CEP350: variants seen among roughly 807,000 people sequenced by gnomAD.
CEP350 encodes centrosome-associated protein 350.
A neutral mutation model predicts 331.8 loss-of-function variants in CEP350; 126 were observed. The ratio of observed to expected loss-of-function variants is 0.38; its 90% CI spans 0.33 to 0.44. The LOEUF is 0.44. Ranked by LOEUF, CEP350 falls within the 20% of genes least tolerant of loss-of-function variation. CEP350 has a pLI of 1.00. For missense variants in CEP350, 3,406 were observed against 3,634.6 expected (o/e 0.94, Z 1.62); for synonymous variants, 1,200 against 1,259.5 (o/e 0.95, Z 1.00).
chr1:180,027,138 T>C (rs1655731259), intron 14 of CEP350, among the ~76,000 whole-genome samples: 1 of 152,242 alleles, frequency 6.6e-6, no homozygotes, highest in African/African-American at 2.4e-5. Context: ...TTTTTGATAA[T>C]AGGACATCCT....
At chr1:180,050,725 T>G (rs192848466) in intron 22 of CEP350, among the ~76,000 whole-genome samples, 13 of 146,912 alleles carry the variant, frequency 8.8e-5, no homozygotes, top group Admixed American at 7.4e-4. Flanking sequence ...AACAACTCAA[T>G]TTTACAAATG....
At chr1:180,076,341 A>G (rs566199253) in intron 28 of CEP350, among the ~76,000 whole-genome samples, 50 of 152,344 alleles carry the variant, frequency 3.3e-4, no homozygotes, top group African/African-American at 1.1e-3. Flanking sequence ...TGAATTATGT[A>G]TTAGCACACC....
rs904373874 is a variant in CEP350, at chr1:180,075,657, GA to G, written c.5767+447del. ...ATAACCACAAATGCTGGAGAAATTAGAAAAAAAAAAATTGTGGCTAGGCGCG... is the reference window on the plus strand; with the variant it reads ...ATAACCACAAATGCTGGAGAAATTAGAAAAAAAAAATTGTGGCTAGGCGCG... On this transcript the variant is annotated intron_variant, in intron 28 of 37. Transcript: ENST00000367607. Among the ~76,000 whole-genome samples the G allele has an allele frequency of 2.3e-3, 337 of 146,468 alleles. 2 individuals carry two copies. The highest frequency in any genetic ancestry group is 7.9e-3 in the African/African-American group (318 of 40,094).
At position 180,112,085 on chromosome 1, in the gene CEP350, G is replaced by A. The variant is rs1449333914; in HGVS notation, c.*924G>A. ...GAGATGCTGTTACTTGAATGATTTA[G>A]GAAATGAGTGTGTGCACCAAAGACA... is the stretch of plus-strand genomic sequence containing the variant. On this transcript the variant is annotated 3_prime_UTR_variant, in exon 38 of 38. Transcript: ENST00000367607. 6.6e-6 allele frequency: 1 copy of A among 152,604 alleles called. No individual in the cohort carries two copies. Among genetic ancestry groups the A allele is most frequent in the Non-Finnish European group, 1.5e-5 (1 of 68,038 alleles). The allele number at this position is 152,604 out of a possible 1,614,324, so 9.5% of individuals were successfully genotyped here. A position where few individuals can be genotyped will look rare whatever the true frequency, so the allele number is the denominator to read the frequency against.
intron 32 of CEP350, among the ~76,000 whole-genome samples, chr1:180,089,421 A>G (rs1298935457): frequency 1.3e-5 from 2 of 152,058 alleles, no homozygotes. Flanking sequence ...CATCTCTACT[A>G]AAACTAGAAA....
At position 180,113,483 on chromosome 1, in the gene CEP350, A is replaced by C. The variant is rs943964147; in HGVS notation, c.*2322A>C. On this transcript the variant is annotated 3_prime_UTR_variant, in exon 38 of 38. Coordinates refer to ENST00000367607, the MANE Select transcript of CEP350 (RefSeq NM_014810.5). ...CTGACAGACTCCAACTGTCTTTACT[A>C]TCTGAAGAATCCTAGGCTCCACATG... 10 of 152,162 alleles carry C rather than the reference A, an allele frequency of 6.6e-5. No individual in the cohort carries two copies. The highest frequency in any genetic ancestry group is 2.2e-4 in the African/African-American group (9 of 41,450). 9.4% of individuals were successfully genotyped at this position (152,162 alleles called of 1,614,324 possible).
At chr1:180,102,867 C>T (rs1660903422) in intron 37 of CEP350, among the ~76,000 whole-genome samples, 2 of 152,166 alleles carry the variant, frequency 1.3e-5, no homozygotes, top group Non-Finnish European at 2.9e-5. Context: ...TTTGAAGCAG[C>T]ATCATTGTCT....
At chr1:180,013,706 T>C (rs1654797819) in intron 9 of CEP350, 141 bp from the exon 10 acceptor site, 1 of 669,420 alleles carries the variant, frequency 1.5e-6, no homozygotes, top group Non-Finnish European at 2.4e-6. Context: ...CCTTTTATAA[T>C]TTTCTTCAGA....
chr1:180,042,366 A>G (rs1005085574), intron 19 of CEP350, among the ~76,000 whole-genome samples: 5 of 152,248 alleles, frequency 3.3e-5, no homozygotes, highest in African/African-American at 9.6e-5. Context: ...TGCTGTCTCT[A>G]CATAGGATAT....
Position 179,962,289 on chromosome 1 carries a change from C to T in CEP350, c.-14+7147C>T, listed in dbSNP as rs147340800. On this transcript the variant is annotated intron_variant, in intron 1 of 37. Coordinates refer to ENST00000367607, the MANE Select transcript of CEP350 (RefSeq NM_014810.5). ...ATTAATTTGCTTAGGATAATGACCT[C>T]CAGCTGCATCCATGTTGCTCCAAAG... is the stretch of plus-strand genomic sequence containing the variant. Among the ~76,000 whole-genome samples, 697 of 152,310 alleles carry T rather than the reference C, an allele frequency of 4.6e-3. 5 individuals carry two copies. Among genetic ancestry groups the T allele is most frequent in the African/African-American group, 0.016 (666 of 41,558 alleles).
At chr1:179,991,363 C>CTGAAG (rs1323173174) in intron 4 of CEP350, among the ~76,000 whole-genome samples, 1 of 138,550 alleles carries the variant, frequency 7.2e-6, no homozygotes, top group East Asian at 2.1e-4. Context: ...GTCGCCCAGG[C>CTGAAG]TGAAGTGCAG....
intron 34 of CEP350, 131 bp downstream of exon 34, chr1:180,094,747 A>G: frequency 1.0e-6 from 1 of 984,466 alleles, no homozygotes; most frequent in Non-Finnish European, 1.5e-6. Flanking sequence ...CGTGTTGTTT[A>G]TTAGAGAAGG....
Position 180,020,399 on chromosome 1 carries a change from G to C in CEP350, c.2625G>C (p.Lys875Asn), listed in dbSNP as rs778708670. 1.2e-6 allele frequency: 2 copies of C among 1,613,718 alleles called. No homozygotes were observed. Among genetic ancestry groups the C allele is most frequent in the East Asian group, 4.5e-5 (2 of 44,902 alleles). The change falls in exon 12 of 38, where the codon AAG (lysine) becomes AAC (asparagine). Residue 875 changes from lysine (K) to asparagine (N), a missense_variant. Around this residue, in one of 5 missense-constraint regions of CEP350, gnomAD observed 1,857 missense variants for 1,909.2 expected, o/e 0.97. Transcript: ENST00000367607. ...CTCAAGAAGATGGACCTTGGACCAA[G>C]GCTGTAACTCCACCTGTGAAAGATG... ...QAPQEDGPWTKAVTPPVKDDN... is the reference protein window; with the variant it reads ...QAPQEDGPWTNAVTPPVKDDN...
rs543742764 is a variant in CEP350 at position 180,075,681 on chromosome 1, G to A, written c.5767+460G>A. Reference sequence around the variant, plus strand: ...AGAAAAAAAAAAATTGTGGCTAGGCGCGGTGGCTCATGCCTGTAATCTTAG... The same window carrying A: ...AGAAAAAAAAAAATTGTGGCTAGGCACGGTGGCTCATGCCTGTAATCTTAG... On this transcript the variant is annotated intron_variant, in intron 28 of 37. Transcript: ENST00000367607. Among the ~76,000 whole-genome samples, 149 of 152,198 alleles carry A rather than the reference G, an allele frequency of 9.8e-4. 1 individual carries two copies. Among genetic ancestry groups the A allele is most frequent in the African/African-American group, 3.5e-3 (144 of 41,546 alleles).
At chr1:180,028,418 T>C (rs935517985) in intron 14 of CEP350, among the ~76,000 whole-genome samples, 1 of 152,232 alleles carries the variant, frequency 6.6e-6, no homozygotes, top group Non-Finnish European at 1.5e-5. Context: ...TAACTTGTTA[T>C]TGGCAAAGCC....
At chr1:180,011,073 G>A (rs555955865) in intron 8 of CEP350, among the ~76,000 whole-genome samples, 1 of 151,958 alleles carries the variant, frequency 6.6e-6, no homozygotes, top group African/African-American at 2.4e-5. Context: ...GCTAGTGGAT[G>A]AAAATCTTTT....
At chr1:180,101,212 G>A (rs1455834418) in intron 37 of CEP350, among the ~76,000 whole-genome samples, 1 of 152,040 alleles carries the variant, frequency 6.6e-6, no homozygotes, top group Non-Finnish European at 1.5e-5. Flanking sequence ...CCCTTTGCTG[G>A]TTGTAAAATA....
At chr1:179,965,733 G>T (rs1305241430) in intron 1 of CEP350, among the ~76,000 whole-genome samples, 1 of 143,946 alleles carries the variant, frequency 6.9e-6, no homozygotes. Flanking sequence ...CGATACTCCT[G>T]TCTCAGCCTA....
At chr1:180,077,846 A>C (rs1659328427) in intron 28 of CEP350, among the ~76,000 whole-genome samples, 2 of 152,210 alleles carry the variant, frequency 1.3e-5, no homozygotes. Context: ...TAAAAAATTT[A>C]TATGAGGCTG....
Sources: allele counts gnomAD v4.1 joint callset (sites outside exome capture counted in the v4.1 genomes callset), GRCh38; gene constraint gnomAD v4.1.1; regional missense constraint gnomAD v4.1.1; transcripts MANE v1.5; gene names NCBI Gene and HGNC (gene_info 2026-07-23, HGNC 2026-07-21).